Variants in COL18A1 observed in about 807,000 individuals in gnomAD.
The protein encoded by COL18A1 is collagen alpha-1(XVIII) chain.
In COL18A1, 133 loss-of-function variants were observed where a neutral mutation model predicts 168.0. The ratio of observed to expected loss-of-function variants is 0.79; its 90% CI spans 0.69 to 0.91. COL18A1 has a LOEUF of 0.91. Among genes scored for constraint, COL18A1 ranks in the 40% least tolerant of loss-of-function variants. The probability of loss-of-function intolerance (pLI) is 0.00; values close to 1 mark genes in which losing one functional copy is unlikely to be tolerated. For missense variants in COL18A1, 2,126 were observed against 1,925.4 expected, an observed-to-expected ratio of 1.10 and a Z score of -1.95; for synonymous variants, 949 against 809.0, an observed-to-expected ratio of 1.17 and a Z score of -2.94.
intron 2 of COL18A1, among the ~76,000 whole-genome samples, chr21:45,467,828 C>T (rs1385340844): frequency 6.6e-6 from 1 of 152,182 alleles, no homozygotes; most frequent in Admixed American, 6.5e-5. Flanking sequence ...CTTGCCCCAG[C>T]GGGGGTGCCG....
At chr21:45,407,043 C>T (rs562160176) in intron 2 of COL18A1, among the ~76,000 whole-genome samples, 1 of 150,984 alleles carries the variant, frequency 6.6e-6, no homozygotes, top group African/African-American at 2.4e-5. Flanking sequence ...GAGGCTGAAG[C>T]GGAAGCAGGC....
Position 45,445,882 on chromosome 21 carries a change from C to T in COL18A1, c.107-22360C>T, listed in dbSNP as rs555586824. On this transcript the variant is annotated intron_variant, in intron 2 of 41. Coordinates refer to ENST00000651438, the MANE Select transcript of COL18A1 (RefSeq NM_001379500.1). Reference sequence around the variant, plus strand: ...CATATATGATTCGCAAATATCTTCTCCCATTCTGTGAGATGTCATTTCACT... The same window carrying T: ...CATATATGATTCGCAAATATCTTCTTCCATTCTGTGAGATGTCATTTCACT... Among the ~76,000 whole-genome samples, 6 of 152,276 alleles carry T rather than the reference C, an allele frequency of 3.9e-5. No individual in the cohort carries two copies. In the South Asian group the frequency reaches 1.0e-3, roughly 26 times the overall value.
chr21:45,490,261 T>C lies in COL18A1; in HGVS notation c.1960-14T>C, dbSNP rs1190168037. On this transcript the variant is annotated splice_polypyrimidine_tract_variant and intron_variant, in intron 19 of 41. Coordinates refer to ENST00000651438, the MANE Select transcript of COL18A1 (RefSeq NM_001379500.1). ...TGTGGCCAATGCCCTGCGTCCTCCA[T>C]GTGACCCTTTCAGGGAGAAGTTGGA... is the stretch of plus-strand genomic sequence containing the variant. 7 of 1,571,028 alleles carry C rather than the reference T, an allele frequency of 4.5e-6. No individual in the cohort carries two copies. Among genetic ancestry groups the C allele is most frequent in the Non-Finnish European group, 6.0e-6 (7 of 1,158,668 alleles).
At chr21:45,480,427 C>T (rs369947667) in intron 11 of COL18A1, 40 bp from the exon 12 acceptor site, 114 of 1,613,942 alleles carry the variant, frequency 7.1e-5, no homozygotes, top group East Asian at 8.9e-5. Flanking sequence ...GGCGGGGGGC[C>T]GAGCTCAGGG....
At chr21:45,504,161 A>C (rs1267490171) in intron 33 of COL18A1, 107 bp downstream of exon 33, 1 of 1,308,600 alleles carries the variant, frequency 7.6e-7, no homozygotes, top group Admixed American at 1.7e-5. Flanking sequence ...CTTCCTGTTC[A>C]GCCCTGCGAG....
rs367663318 is a variant in COL18A1, at chr21:45,497,941, T to G, written c.2683+280T>G. The G allele has an allele frequency of 2.8e-5, 17 of 604,514 alleles. No individual in the cohort carries two copies. In the African/African-American group the frequency reaches 3.2e-4, roughly 11 times the overall value. 37.4% of individuals were successfully genotyped at this position (604,514 alleles called of 1,614,324 possible). On this transcript the variant is annotated intron_variant, in intron 32 of 41. Coordinates refer to ENST00000651438, the MANE Select transcript of COL18A1 (RefSeq NM_001379500.1). ...TTCCATGCTAGACCCAGGTGGGCAC[T>G]GCGCAGAGACACAGCAGCTTCAGTG...
chr21:45,437,737 C>G lies in COL18A1; in HGVS notation c.107-30505C>G, dbSNP rs1300693136. 2.8e-5 allele frequency among the ~76,000 whole-genome samples: 2 copies of G among 72,280 alleles called. 1 individual carries two copies. The highest frequency in any genetic ancestry group is 2.1e-4 in the African/African-American group (2 of 9,382). The allele number at this position is 72,280 out of a possible 152,430, so 47.4% of individuals were successfully genotyped here. A position where few individuals can be genotyped will look rare whatever the true frequency, so the allele number is the denominator to read the frequency against. ...ACACAGGCACTCTCCTGCACACACA[C>G]ACTCACACACTCAGACACAGGCACT... On this transcript the variant is annotated intron_variant, in intron 2 of 41. Coordinates refer to ENST00000651438, the MANE Select transcript of COL18A1 (RefSeq NM_001379500.1).
chr21:45,456,381 G>A (rs1278490677), intron 2 of COL18A1: 4 of 1,549,180 alleles, frequency 2.6e-6, no homozygotes, highest in African/African-American at 1.4e-5. Context: ...TTCTCCTCTG[G>A]GCTCCCGGGC....
intron 2 of COL18A1, among the ~76,000 whole-genome samples, chr21:45,453,879 G>A (rs2034714381): frequency 6.6e-6 from 1 of 152,218 alleles, no homozygotes; most frequent in Non-Finnish European, 1.5e-5. Flanking sequence ...GGGCATGAAT[G>A]TAGGGCCAGC....
intron 2 of COL18A1, among the ~76,000 whole-genome samples, chr21:45,452,903 G>A (rs1455200341): frequency 1.3e-5 from 2 of 151,978 alleles, no homozygotes; most frequent in Non-Finnish European, 1.5e-5. Context: ...ATGTGAGCAT[G>A]TATGTACATG....
chr21:45,428,584 A>T (rs8127058), intron 2 of COL18A1, among the ~76,000 whole-genome samples: 3,231 of 152,296 alleles, frequency 0.021, 98 homozygotes, highest in African/African-American at 0.074. Flanking sequence ...ACTCTAGAAC[A>T]TTCACACGCC....
chr21:45,436,871 G>A (rs1214808917), intron 2 of COL18A1, among the ~76,000 whole-genome samples: 1 of 150,888 alleles, frequency 6.6e-6, no homozygotes, highest in African/African-American at 2.4e-5. Flanking sequence ...GGGAGTTGCT[G>A]GCTGGGGGGC....
chr21:45,464,912 C>G (rs1568889245), intron 2 of COL18A1, among the ~76,000 whole-genome samples: 1 of 152,240 alleles, frequency 6.6e-6, no homozygotes, highest in Admixed American at 6.5e-5. Context: ...GTGCCGTGGA[C>G]ATCCTTGGGG....
In COL18A1 at chr21:45,493,223, A is replaced by T; in HGVS notation, c.2275A>T (p.Lys759Ter). Residue 759 changes from lysine (K) to a stop codon, truncating the protein, a stop_gained and splice_region_variant, in exon 25 of 42, where the codon AAG (lysine) becomes TAG (stop). Coordinates refer to ENST00000651438, the MANE Select transcript of COL18A1 (RefSeq NM_001379500.1). LOFTEE classifies it high-confidence loss of function. ...GGGCGAACGAGGCTCCCCGGGACCC[A>T]AGGTAAGGGGCTCAGGTGCTGTCCC... ...SKGERGSPGPKGEKGEPGSIF... is the reference protein window; with the variant it reads ...SKGERGSPGP 1 of 1,557,480 alleles carries T rather than the reference A, an allele frequency of 6.4e-7. No individual in the cohort carries two copies. Among genetic ancestry groups the T allele is most frequent in the East Asian group, 2.4e-5 (1 of 41,540 alleles).
intron 2 of COL18A1, chr21:45,456,215 C>G: frequency 3.1e-6 from 5 of 1,607,700 alleles, no homozygotes; most frequent in Non-Finnish European, 3.4e-6. Flanking sequence ...CGGGGCCCCT[C>G]CCTGGGGAAG....
At chr21:45,491,955 C>T (rs1201441742) in intron 22 of COL18A1, among the ~76,000 whole-genome samples, 1 of 152,214 alleles carries the variant, frequency 6.6e-6, no homozygotes, top group African/African-American at 2.4e-5. Context: ...TCTGTGGCCA[C>T]CAGTGGAAGG....
intron 2 of COL18A1, among the ~76,000 whole-genome samples, chr21:45,459,463 G>A (rs141305074): frequency 0.012 from 1,839 of 152,342 alleles, 40 homozygotes; most frequent in African/African-American, 0.041. Context: ...GGAGCTGGAG[G>A]GGTCCTGCTG....
chr21:45,411,844 C>T (rs2033307699), intron 2 of COL18A1, among the ~76,000 whole-genome samples: 1 of 150,900 alleles, frequency 6.6e-6, no homozygotes, highest in Non-Finnish European at 1.5e-5. Context: ...TTCATTTACA[C>T]ACAGCTCTGC....
rs757222933 is a variant in COL18A1, at chr21:45,492,556, G to C, written c.2179G>C (p.Gly727Arg). The C allele has an allele frequency of 1.3e-5, 21 of 1,613,084 alleles. No homozygotes were observed. Among genetic ancestry groups the C allele is most frequent in the Non-Finnish European group, 1.7e-5 (20 of 1,180,014 alleles). ...EQDGSVLSVP[G>R]PEGRPGFAGF... ...ACAGGGATCCGTCCTGAGCGTGCCGGGACCTGAGGTATGTGCCTGCCCAGC... is the reference window on the plus strand; with the variant it reads ...ACAGGGATCCGTCCTGAGCGTGCCGCGACCTGAGGTATGTGCCTGCCCAGC... Residue 727 changes from glycine (G) to arginine (R), a missense_variant, in exon 23 of 42, where the codon GGA becomes CGA. Physicochemically the swap from Gly to Arg is moderately radical, Grantham distance 125 (BLOSUM62 -2). Transcript: ENST00000651438.
Sources: allele counts gnomAD v4.1 joint callset (sites outside exome capture counted in the v4.1 genomes callset), GRCh38; gene constraint gnomAD v4.1.1; transcripts MANE v1.5; gene names NCBI Gene and HGNC (gene_info 2026-07-23, HGNC 2026-07-21).